The following UBE2R2 variants were observed in gnomAD, a reference collection of about 807,000 sequenced individuals.
UBE2R2 encodes the protein ubiquitin conjugating enzyme E2 R2.
A neutral mutation model predicts 27.8 loss-of-function variants in UBE2R2; 1 was observed. The observed-to-expected ratio is 0.04, with a 90% CI of 0.01 to 0.17. The LOEUF (loss-of-function observed/expected upper bound fraction) is 0.17, where lower values mean the gene tolerates loss of function less well. Ranked by LOEUF, UBE2R2 falls within the 10% of genes least tolerant of loss-of-function variation. UBE2R2 has a pLI of 1.00. For missense variants in UBE2R2, 100 were observed against 291.0 expected (o/e 0.34, Z 4.78); for synonymous variants, 106 against 113.3 (o/e 0.94, Z 0.41).
At chr9:33,833,114 G>T (rs1350908539) in intron 1 of UBE2R2, among the ~76,000 whole-genome samples, 1 of 152,112 alleles carries the variant, frequency 6.6e-6, no homozygotes, top group Non-Finnish European at 1.5e-5. Flanking sequence ...GCCCAGGCTG[G>T]AGTGCAGTGG....
intron 1 of UBE2R2, among the ~76,000 whole-genome samples, chr9:33,836,518 G>A (rs1820617640): frequency 6.6e-6 from 1 of 152,128 alleles, no homozygotes; most frequent in African/African-American, 2.4e-5. Flanking sequence ...TACTTTGGGA[G>A]GCAGAGGCAC....
At chr9:33,836,259 A>G (rs1820612718) in intron 1 of UBE2R2, among the ~76,000 whole-genome samples, 1 of 152,218 alleles carries the variant, frequency 6.6e-6, no homozygotes, top group Non-Finnish European at 1.5e-5. Flanking sequence ...GCAATAGGCT[A>G]TACCATATAG....
chr9:33,868,302 T>TG (rs937715364), intron 1 of UBE2R2, among the ~76,000 whole-genome samples: 4 of 152,146 alleles, frequency 2.6e-5, no homozygotes, highest in African/African-American at 9.7e-5. Context: ...ACATTTGGGC[T>TG]GAAAAATAGG....
chr9:33,915,364 AT>A (rs1303316116), intron 4 of UBE2R2, among the ~76,000 whole-genome samples: 2 of 152,216 alleles, frequency 1.3e-5, no homozygotes, highest in Non-Finnish European at 2.9e-5. Context: ...CATATGGAAC[AT>A]TAGGACAGAG....
intron 1 of UBE2R2, among the ~76,000 whole-genome samples, chr9:33,846,736 G>A (rs1291948271): frequency 6.6e-6 from 1 of 152,126 alleles, no homozygotes; most frequent in Non-Finnish European, 1.5e-5. Context: ...CCACAGATAA[G>A]TTATAAATGA....
In UBE2R2 at chr9:33,855,663, C is replaced by T. The variant is rs559057663; in HGVS notation, c.178-31218C>T. On this transcript the variant is annotated intron_variant, in intron 1 of 4. Coordinates refer to ENST00000263228, the MANE Select transcript of UBE2R2 (RefSeq NM_017811.4). ...TGGACACAGTTGTACTTTGAAACTC[C>T]TAGACAGTAGTGGAAGGAGACCTTC... is the stretch of plus-strand genomic sequence containing the variant. 2.7e-4 allele frequency among the ~76,000 whole-genome samples: 41 copies of T among 152,272 alleles called. 1 individual carries two copies. The highest frequency in any genetic ancestry group is 9.4e-4 in the African/African-American group (39 of 41,554).
At chr9:33,916,160 G>A (rs1046703431) in intron 4 of UBE2R2, among the ~76,000 whole-genome samples, 6 of 152,284 alleles carry the variant, frequency 3.9e-5, no homozygotes, top group African/African-American at 9.6e-5. Context: ...GGCCAACATG[G>A]TGAAACCCCA....
intron 1 of UBE2R2, among the ~76,000 whole-genome samples, chr9:33,875,316 A>G (rs1313831287): frequency 1.3e-5 from 2 of 152,248 alleles, no homozygotes; most frequent in Non-Finnish European, 2.9e-5. Flanking sequence ...ACTAAGATCT[A>G]TAATGGGTAA....
In UBE2R2 at chr9:33,912,115, T is replaced by A. The variant is rs762816383; in HGVS notation, c.497+17T>A. The A allele has an allele frequency of 1.2e-5, 18 of 1,558,238 alleles. No homozygotes were observed. The highest frequency in any genetic ancestry group is 1.5e-5 in the Non-Finnish European group (17 of 1,137,816). On this transcript the variant is annotated intron_variant, in intron 4 of 4. Transcript: ENST00000263228. ...AATTATTAGGTAAGGTTTTTTTTTT[T>A]ATTACCTCAAGTTATACAAAACCAA...
chr9:33,838,836 A>G (rs1820670622), intron 1 of UBE2R2, among the ~76,000 whole-genome samples: 1 of 151,956 alleles, frequency 6.6e-6, no homozygotes, highest in Admixed American at 6.6e-5. Flanking sequence ...TAATCCCAGC[A>G]CTTTGGGAGG....
intron 1 of UBE2R2, among the ~76,000 whole-genome samples, chr9:33,857,227 C>A (rs1234947253): frequency 6.7e-6 from 1 of 149,982 alleles, no homozygotes; most frequent in African/African-American, 2.5e-5. Context: ...TTTTTTTATT[C>A]CCCTTACTGT....
intron 1 of UBE2R2, among the ~76,000 whole-genome samples, chr9:33,820,912 C>T (rs998642944): frequency 3.3e-5 from 5 of 152,154 alleles, no homozygotes; most frequent in African/African-American, 4.8e-5. Context: ...ATTCATCCTG[C>T]TTTCGCTTAT....
chr9:33,815,760 A>T (rs1239438231), upstream of UBE2R2, among the ~76,000 whole-genome samples: 1 of 152,196 alleles, frequency 6.6e-6, no homozygotes, highest in Non-Finnish European at 1.5e-5. Context: ...AGGGGTGGGT[A>T]GTGGTGGTAT....
rs553662790 is a variant in UBE2R2 at position 33,859,828 on chromosome 9, ATCTC to A, written c.178-27047_178-27044del. ...AGAGAGAGAGAGAGAGAGAGACAGG[ATCTC>A]TCTCTATGACCAGGCTGGAGTGCAG... On this transcript the variant is annotated intron_variant, in intron 1 of 4. Coordinates refer to ENST00000263228, the MANE Select transcript of UBE2R2 (RefSeq NM_017811.4). 1.9e-4 allele frequency among the ~76,000 whole-genome samples: 26 copies of A among 139,282 alleles called. No homozygotes were observed. The East Asian group carries it at 5.3e-3, about 29-fold the overall frequency. The allele number at this position is 139,282 out of a possible 152,430, so 91.4% of individuals were successfully genotyped here. A position where few individuals can be genotyped will look rare whatever the true frequency, so the allele number is the denominator to read the frequency against.
At chr9:33,882,962 G>A (rs1821762656) in intron 1 of UBE2R2, among the ~76,000 whole-genome samples, 1 of 152,086 alleles carries the variant, frequency 6.6e-6, no homozygotes, top group Non-Finnish European at 1.5e-5. Context: ...GGTGGCACAT[G>A]CCTGTGATCC....
chr9:33,888,543 A>G (rs566388261), intron 2 of UBE2R2, among the ~76,000 whole-genome samples: 1 of 152,142 alleles, frequency 6.6e-6, no homozygotes, highest in Non-Finnish European at 1.5e-5. Context: ...GTTATTTGAG[A>G]TGGAATCTCT....
chr9:33,900,149 T>C, intron 2 of UBE2R2, 25 bp from the exon 3 acceptor site: 1 of 1,579,242 alleles, frequency 6.3e-7, no homozygotes. Flanking sequence ...GAGTATTTAC[T>C]GAATGTAATG....
chr9:33,817,872 T>C lies in UBE2R2; in HGVS notation c.115T>C (p.Tyr39His), dbSNP rs2130696434. ...RITLVDESDLYNWEVAIFGPP... is the reference protein window; with the variant it reads ...RITLVDESDLHNWEVAIFGPP... ...CACCCTGGTGGACGAGTCCGACCTCTACAACTGGGAGGTGGCCATCTTCGG... is the reference window on the plus strand; with the variant it reads ...CACCCTGGTGGACGAGTCCGACCTCCACAACTGGGAGGTGGCCATCTTCGG... The change falls in exon 1 of 5, where the codon TAC becomes CAC. Residue 39 changes from tyrosine (Y) to histidine (H), a missense_variant. Physicochemically the swap from Tyr to His is moderately conservative, Grantham distance 83. This residue lies in a region of UBE2R2 where 43 missense variants were observed against 129.2 expected (regional missense o/e 0.33). Transcript: ENST00000263228. 1 of 1,611,598 alleles carries C rather than the reference T, an allele frequency of 6.2e-7. No homozygotes were observed. Among genetic ancestry groups the C allele is most frequent in the South Asian group, 1.1e-5 (1 of 90,978 alleles).
In UBE2R2 at chr9:33,912,048, G is replaced by A. The variant is rs771029242; in HGVS notation, c.447G>A (p.Arg149=). ...ATGTCGATGCTTCAGTTATGTTCAG[G>A]AAATGGAGAGACAGTAAAGGAAAAG... ...PANVDASVMF[R]KWRDSKGKDK... The change falls in exon 4 of 5, where the codon AGG becomes AGA. Residue 149 remains arginine, a synonymous_variant. Transcript: ENST00000263228. The A allele has an allele frequency of 1.1e-5, 17 of 1,613,496 alleles. No homozygotes were observed. The highest frequency in any genetic ancestry group is 6.7e-5 in the Admixed American group (4 of 59,990).
Sources: allele counts gnomAD v4.1 joint callset (sites outside exome capture counted in the v4.1 genomes callset), GRCh38; gene constraint gnomAD v4.1.1; regional missense constraint gnomAD v4.1.1; transcripts MANE v1.5; gene names NCBI Gene and HGNC (gene_info 2026-07-23, HGNC 2026-07-21).